Variants in LRRTM4 observed in about 807,000 individuals in gnomAD.
The protein encoded by LRRTM4 is leucine-rich repeat transmembrane neuronal protein 4.
LRRTM4 carries 25 observed loss-of-function variants against 47.6 expected under a neutral mutation model. The observed-to-expected ratio is 0.53, with a 90% CI of 0.38 to 0.73. The LOEUF (loss-of-function observed/expected upper bound fraction) is 0.73, where lower values mean the gene tolerates loss of function less well. Ranked by LOEUF, LRRTM4 falls within the 30% of genes least tolerant of loss-of-function variation. The probability of loss-of-function intolerance (pLI) is 0.00; values close to 1 mark genes in which losing one functional copy is unlikely to be tolerated. For synonymous variants in LRRTM4, 311 were observed against 269.5 expected (o/e 1.15, Z -1.51); for missense variants, 638 against 713.4 (o/e 0.89, Z 1.20).
At chr2:76,899,364 T>G in intron 3 of LRRTM4, among the ~76,000 whole-genome samples, 1 of 149,462 alleles carries the variant, frequency 6.7e-6, no homozygotes, top group South Asian at 2.1e-4. Flanking sequence ...TATATATATA[T>G]AAACTATATT....
intron 3 of LRRTM4, among the ~76,000 whole-genome samples, chr2:77,045,615 T>C (rs1573494539): frequency 6.6e-6 from 1 of 151,890 alleles, no homozygotes; most frequent in Non-Finnish European, 1.5e-5. Flanking sequence ...TCTCACAAGA[T>C]GGTTATTATA....
chr2:77,102,697 T>A lies in LRRTM4; in HGVS notation c.1552-353781A>T, dbSNP rs140934431. On this transcript the variant is annotated intron_variant, in intron 3 of 3. Coordinates refer to ENST00000409884, the MANE Select transcript of LRRTM4 (RefSeq NM_001134745.3). Reference sequence around the variant, plus strand: ...AGACTGAAGAAAGGGCTATCAACAATAAGAAACTCTGGAGTTATTGGGCTG... The same window carrying A: ...AGACTGAAGAAAGGGCTATCAACAAAAAGAAACTCTGGAGTTATTGGGCTG... Among the ~76,000 whole-genome samples, 1,481 of 152,198 alleles carry A rather than the reference T, an allele frequency of 9.7e-3. 24 individuals are homozygous for A. Among genetic ancestry groups the A allele is most frequent in the African/African-American group, 0.034 (1,398 of 41,524 alleles).
At chr2:77,088,744 C>T (rs1316800124) in intron 3 of LRRTM4, among the ~76,000 whole-genome samples, 1 of 152,166 alleles carries the variant, frequency 6.6e-6, no homozygotes, top group Admixed American at 6.5e-5. Context: ...CTGCTCTTTG[C>T]TCCTTGAGAA....
intron 3 of LRRTM4, among the ~76,000 whole-genome samples, chr2:77,180,858 G>A (rs1041663489): frequency 1.3e-5 from 2 of 152,052 alleles, no homozygotes; most frequent in Non-Finnish European, 2.9e-5. Context: ...TTCAGACGTT[G>A]TATGCATACT....
chr2:77,010,146 A>G (rs754498392), intron 3 of LRRTM4, among the ~76,000 whole-genome samples: 1 of 152,018 alleles, frequency 6.6e-6, no homozygotes, highest in Non-Finnish European at 1.5e-5. Context: ...TGGTGAGAAC[A>G]CTTAAAATTT....
intron 3 of LRRTM4, among the ~76,000 whole-genome samples, chr2:77,448,276 A>G (rs1298016950): frequency 6.6e-6 from 1 of 152,148 alleles, no homozygotes; most frequent in African/African-American, 2.4e-5. Context: ...GTTCAACTGC[A>G]GACACCATGA....
chr2:76,932,392 T>A (rs1674800136), intron 3 of LRRTM4, among the ~76,000 whole-genome samples: 1 of 152,124 alleles, frequency 6.6e-6, no homozygotes, highest in Admixed American at 6.6e-5. Context: ...ATCTCCAACA[T>A]GTATACATTA....
At chr2:77,164,981 G>C (rs1166467090) in intron 3 of LRRTM4, among the ~76,000 whole-genome samples, 4 of 152,054 alleles carry the variant, frequency 2.6e-5, no homozygotes, top group East Asian at 1.9e-4. Flanking sequence ...AACTGAAGGA[G>C]ACAGAGACAC....
chr2:77,260,292 G>A (rs1239183056), intron 3 of LRRTM4, among the ~76,000 whole-genome samples: 1 of 151,796 alleles, frequency 6.6e-6, no homozygotes, highest in African/African-American at 2.4e-5. Context: ...AGTGCATAGG[G>A]CAGTCTCCAG....
intron 3 of LRRTM4, among the ~76,000 whole-genome samples, chr2:76,831,195 ATGTGTGCATATGTG>A (rs1290133385): frequency 6.6e-6 from 1 of 152,064 alleles, no homozygotes; most frequent in Non-Finnish European, 1.5e-5. Context: ...ATGTGAATGT[ATGTGTGCATATGTG>A]TGTGTGTGAA....
intron 3 of LRRTM4, among the ~76,000 whole-genome samples, chr2:77,136,680 G>A (rs1671953674): frequency 6.6e-6 from 1 of 152,164 alleles, no homozygotes; most frequent in African/African-American, 2.4e-5. Flanking sequence ...ATTTCTCCGA[G>A]CTAAAGGAGA....
At chr2:76,818,265 T>G (rs1427906119) in intron 3 of LRRTM4, among the ~76,000 whole-genome samples, 1 of 151,922 alleles carries the variant, frequency 6.6e-6, no homozygotes, top group East Asian at 1.9e-4. Context: ...TGGTGTTTTA[T>G]TGATTTGCTG....
At chr2:77,430,808 A>C (rs959605817) in intron 3 of LRRTM4, among the ~76,000 whole-genome samples, 20 of 148,092 alleles carry the variant, frequency 1.4e-4, no homozygotes, top group Non-Finnish European at 2.2e-4. Flanking sequence ...GTATCTGTGA[A>C]GGTGTTTCCA....
intron 3 of LRRTM4, among the ~76,000 whole-genome samples, chr2:76,940,094 A>T (rs1675084406): frequency 6.6e-6 from 1 of 152,182 alleles, no homozygotes; most frequent in Non-Finnish European, 1.5e-5. Context: ...CTCCTCAAAG[A>T]GCTGAAAACA....
chr2:77,244,783 A>T (rs1223788422), intron 3 of LRRTM4, among the ~76,000 whole-genome samples: 2 of 152,182 alleles, frequency 1.3e-5, no homozygotes, highest in Admixed American at 1.3e-4. Flanking sequence ...AACAACCTGC[A>T]ATGTTTTTAA....
intron 3 of LRRTM4, among the ~76,000 whole-genome samples, chr2:77,384,966 G>A (rs1053232336): frequency 3.3e-5 from 5 of 152,130 alleles, no homozygotes; most frequent in African/African-American, 1.2e-4. Context: ...TATTTACAGA[G>A]AACCAATTCT....
chr2:77,034,066 T>C (rs902892421), intron 3 of LRRTM4, among the ~76,000 whole-genome samples: 1 of 151,772 alleles, frequency 6.6e-6, no homozygotes, highest in Non-Finnish European at 1.5e-5. Flanking sequence ...GGTTCTGTTA[T>C]GGCAAATAAT....
intron 3 of LRRTM4, among the ~76,000 whole-genome samples, chr2:76,865,547 A>T (rs1672440715): frequency 6.6e-6 from 1 of 152,108 alleles, no homozygotes; most frequent in Non-Finnish European, 1.5e-5. Context: ...GCTGATCCCT[A>T]ATTTGGAGAC....
intron 3 of LRRTM4, among the ~76,000 whole-genome samples, chr2:77,097,753 A>G (rs745485706): frequency 6.6e-6 from 1 of 152,050 alleles, no homozygotes; most frequent in African/African-American, 2.4e-5. Context: ...AAAATCAATT[A>G]TCCAAGCATT....
Sources: allele counts gnomAD v4.1 joint callset (sites outside exome capture counted in the v4.1 genomes callset), GRCh38; gene constraint gnomAD v4.1.1; transcripts MANE v1.5; gene names NCBI Gene and HGNC (gene_info 2026-07-23, HGNC 2026-07-21).